The following SACM1L variants were observed in gnomAD, a reference collection of about 807,000 sequenced individuals.
SACM1L encodes the protein SAC1 like phosphatidylinositide phosphatase, also known as phosphatidylinositol-3-phosphatase SAC1.
In SACM1L, 32 loss-of-function variants were observed where a neutral mutation model predicts 89.5. That is an observed-to-expected ratio of 0.36 (90% CI 0.27 to 0.48). SACM1L has a LOEUF of 0.48. SACM1L is among the 20% of genes least tolerant of loss of function. SACM1L has a pLI of 0.99. For missense variants in SACM1L, 543 were observed against 708.5 expected (o/e 0.77, Z 2.65); for synonymous variants, 213 against 232.8 (o/e 0.92, Z 0.77).
At chr3:45,719,385 A>G (rs1208930416) in intron 7 of SACM1L, 115 bp from the exon 8 acceptor site, 3 of 568,054 alleles carry the variant, frequency 5.3e-6, no homozygotes, top group Non-Finnish European at 9.1e-6. Context: ...GAAGATTTGT[A>G]TACTCTTGTC....
At chr3:45,739,312 G>A (rs1015778114) in intron 18 of SACM1L, among the ~76,000 whole-genome samples, 2 of 152,300 alleles carry the variant, frequency 1.3e-5, no homozygotes, top group Middle Eastern at 3.4e-3. Context: ...GAGGCCTAGT[G>A]TTCTAGGTCC....
chr3:45,713,101 A>C (rs1245350846), intron 5 of SACM1L, 36 bp from the exon 6 acceptor site: 1 of 1,537,550 alleles, frequency 6.5e-7, no homozygotes, highest in South Asian at 1.1e-5. Flanking sequence ...TAAGCTTGGC[A>C]GGAGATATTT....
At chr3:45,705,475 CAAATGGAGTATGT>C (rs199907561) in intron 3 of SACM1L, among the ~76,000 whole-genome samples, 1 of 145,890 alleles carries the variant, frequency 6.9e-6, no homozygotes, top group East Asian at 2.0e-4. Context: ...ATAATTTTCA[CAAATGGAGTATGT>C]AAATAAAATT....
intron 5 of SACM1L, among the ~76,000 whole-genome samples, chr3:45,712,936 C>T (rs140094675): frequency 2.0e-4 from 30 of 152,254 alleles, no homozygotes; most frequent in Middle Eastern, 6.8e-3. Flanking sequence ...AAACTCCTCC[C>T]AGGTTTCTGT....
At chr3:45,733,424 T>C (rs561725453) in intron 13 of SACM1L, among the ~76,000 whole-genome samples, 3 of 152,316 alleles carry the variant, frequency 2.0e-5, no homozygotes, top group South Asian at 4.1e-4. Context: ...CTGTATAGTT[T>C]AAGCGATAAT....
rs1384289392 is a variant in SACM1L, at chr3:45,706,895, A to T, written c.321A>T (p.Leu107Phe). The T allele has an allele frequency of 1.9e-6, 3 of 1,613,252 alleles. No individual in the cohort carries two copies. Among genetic ancestry groups the T allele is most frequent in the Non-Finnish European group, 2.5e-6 (3 of 1,179,562 alleles). Residue 107 changes from leucine (L) to phenylalanine (F), a missense_variant, in exon 4 of 20, where the codon TTA becomes TTT. Leu to Phe is a conservative substitution (Grantham distance 22). Around this residue, in one of 2 missense-constraint regions of SACM1L, gnomAD observed 173 missense variants for 180.9 expected, o/e 0.96. Transcript: ENST00000389061. ...CTTATAAGAAGACAATGTTGCACTT[A>T]ACTGATATTCAGGTAAGAACTGGAA... ...VLSYKKTMLH[L>F]TDIQLQDNKT...
intron 5 of SACM1L, 46 bp downstream of exon 5, chr3:45,709,693 G>A: frequency 6.5e-7 from 1 of 1,527,968 alleles, no homozygotes; most frequent in African/African-American, 1.4e-5. Context: ...TTTTAAAAGG[G>A]ACATGTCTCT....
intron 12 of SACM1L, 51 bp from the exon 13 acceptor site, chr3:45,732,002 A>C (rs753667844): frequency 3.4e-5 from 37 of 1,076,856 alleles, no homozygotes; most frequent in Non-Finnish European, 5.1e-5. Context: ...TATTAATAGA[A>C]GGAAAATGAA....
chr3:45,718,781 G>T (rs1344485558), intron 7 of SACM1L, among the ~76,000 whole-genome samples: 2 of 152,198 alleles, frequency 1.3e-5, no homozygotes, highest in Non-Finnish European at 1.5e-5. Context: ...CTCTGGGAAT[G>T]AAGTGGAGAG....
intron 1 of SACM1L, among the ~76,000 whole-genome samples, chr3:45,692,325 T>A (rs1357688528): frequency 5.9e-5 from 9 of 152,066 alleles, no homozygotes; most frequent in Non-Finnish European, 1.2e-4. Context: ...AGTTTTTTTT[T>A]TTTTTTATTA....
chr3:45,700,916 C>T (rs946506510), intron 1 of SACM1L, among the ~76,000 whole-genome samples: 13 of 152,346 alleles, frequency 8.5e-5, no homozygotes, highest in South Asian at 8.3e-4. Context: ...AAATGATCCA[C>T]CTGCCTGGGC....
intron 7 of SACM1L, among the ~76,000 whole-genome samples, chr3:45,717,348 TTATAAA>T (rs1412942488): frequency 6.6e-6 from 1 of 152,234 alleles, no homozygotes; most frequent in African/African-American, 2.4e-5. Context: ...GGCTTGAAGT[TTATAAA>T]TAGCGTAGTT....
chr3:45,738,734 A>T (rs940450943), intron 17 of SACM1L, 47 bp from the exon 18 acceptor site: 2 of 1,517,508 alleles, frequency 1.3e-6, no homozygotes, highest in Non-Finnish European at 1.8e-6. Flanking sequence ...GTTCATCACT[A>T]ATGTTATCTC....
rs753377389 is a variant in SACM1L, at chr3:45,735,301, C to T, written c.1167C>T (p.Cys389=). Residue 389 remains cysteine (C), a synonymous_variant, in exon 14 of 20, where the codon TGC becomes TGT. Transcript: ENST00000389061. ...AGGAAGGCGTGTTCCGAAGCAATTG[C>T]ATGGATTGTCTAGATAGAACCAATG... ...ANQEGVFRSN[C]MDCLDRTNVI... is the part of the protein sequence containing the mutation. 1 of 1,613,134 alleles carries T rather than the reference C, an allele frequency of 6.2e-7. No individual in the cohort carries two copies. The highest frequency in any genetic ancestry group is 8.5e-7 in the Non-Finnish European group (1 of 1,179,814).
Position 45,743,707 on chromosome 3 carries a change from C to A in SACM1L, c.*38C>A. On this transcript the variant is annotated 3_prime_UTR_variant, in exon 20 of 20. Transcript: ENST00000389061. ...GGAAAGCGGCTTGGCTTGGAAGATTCCATTGTGCAGAACTGGAGTCTTTAC... is the reference window on the plus strand; with the variant it reads ...GGAAAGCGGCTTGGCTTGGAAGATTACATTGTGCAGAACTGGAGTCTTTAC... 2 of 1,599,580 alleles carry A rather than the reference C, an allele frequency of 1.3e-6. No individual in the cohort carries two copies. The highest frequency in any genetic ancestry group is 1.7e-6 in the Non-Finnish European group (2 of 1,173,172).
intron 1 of SACM1L, among the ~76,000 whole-genome samples, chr3:45,700,696 C>G (rs1170002717): frequency 6.6e-6 from 1 of 152,190 alleles, no homozygotes; most frequent in African/African-American, 2.4e-5. Flanking sequence ...GAGTCTCACT[C>G]TGTTGCCCAG....
Position 45,743,725 on chromosome 3 carries a change from G to A in SACM1L, c.*56G>A, listed in dbSNP as rs1699367178. On this transcript the variant is annotated 3_prime_UTR_variant, in exon 20 of 20. Coordinates refer to ENST00000389061, the MANE Select transcript of SACM1L (RefSeq NM_014016.5). ...GAAGATTCCATTGTGCAGAACTGGA[G>A]TCTTTACTGACCCGCTTTCCACATC... The A allele has an allele frequency of 1.3e-6, 2 of 1,561,474 alleles. No homozygotes were observed. Among genetic ancestry groups the A allele is most frequent in the Non-Finnish European group, 1.7e-6 (2 of 1,155,974 alleles).
intron 11 of SACM1L, among the ~76,000 whole-genome samples, chr3:45,730,388 C>G (rs1431906415): frequency 2.7e-5 from 4 of 149,948 alleles, no homozygotes; most frequent in African/African-American, 4.9e-5. Context: ...CTATTTTTGC[C>G]AAAACTTTCT....
intron 4 of SACM1L, among the ~76,000 whole-genome samples, chr3:45,708,431 C>T (rs1191215115): frequency 6.6e-6 from 1 of 151,868 alleles, no homozygotes; most frequent in Non-Finnish European, 1.5e-5. Flanking sequence ...TATTTTTACA[C>T]CCAATTTATA....
Sources: gnomAD v4.1 joint callset for allele counts (sites outside exome capture counted in the v4.1 genomes callset) on GRCh38, gnomAD v4.1.1 for gene constraint, gnomAD v4.1.1 regional missense constraint, MANE v1.5 for transcripts, NCBI Gene and HGNC (gene_info 2026-07-23, HGNC 2026-07-21) for gene names.